ZNF469: variants seen among roughly 807,000 people sequenced by gnomAD.
ZNF469 encodes the protein zinc finger protein 469.
Under a neutral mutation model 1.0 loss-of-function variants are expected in ZNF469, and 1 was observed. The ratio of observed to expected loss-of-function variants is 1.00; its 90% CI spans 0.35 to 4.73. The LOEUF is 4.73. Among genes scored for constraint, ZNF469 ranks in the 30% most tolerant of loss-of-function variants. The pLI is 0.16. For synonymous variants in ZNF469, 2,703 were observed against 2,363.4 expected, an observed-to-expected ratio of 1.14 and a Z score of -4.17; for missense variants, 6,100 against 5,356.3, an observed-to-expected ratio of 1.14 and a Z score of -4.33.
chr16:88,318,218 C>T, the ZNF469 span, among the ~76,000 whole-genome samples: 3 of 152,220 alleles, frequency 2.0e-5, no homozygotes, highest in Admixed American at 6.5e-5. Flanking sequence ...TTCTCCAGGG[C>T]GCGTTCCATG....
At chr16:88,180,180 AG>A in the ZNF469 span, among the ~76,000 whole-genome samples, 2 of 152,248 alleles carry the variant, frequency 1.3e-5, no homozygotes, top group African/African-American at 4.8e-5. Context: ...TTATTTAAAA[AG>A]AACAGACGAG....
chr16:88,354,672 C>A, the ZNF469 span, among the ~76,000 whole-genome samples: 4 of 152,310 alleles, frequency 2.6e-5, no homozygotes, highest in African/African-American at 9.6e-5. Flanking sequence ...TTAGGGTGCG[C>A]TCATGTGTCT....
chr16:88,330,951 A>G, the ZNF469 span, among the ~76,000 whole-genome samples: 1 of 152,340 alleles, frequency 6.6e-6, no homozygotes, highest in East Asian at 1.9e-4. Flanking sequence ...GAGCAGCTGC[A>G]TCATCATTGT....
At chr16:88,337,189 A>C in the ZNF469 span, among the ~76,000 whole-genome samples, 1 of 152,214 alleles carries the variant, frequency 6.6e-6, no homozygotes, top group South Asian at 2.1e-4. Flanking sequence ...TCTCATCTTA[A>C]ATGGTGGCTC....
At chr16:88,105,477 G>T in the ZNF469 span, among the ~76,000 whole-genome samples, 1 of 151,920 alleles carries the variant, frequency 6.6e-6, no homozygotes, top group South Asian at 2.1e-4. Flanking sequence ...GCTAATTTTC[G>T]TATTTTTAGT....
At chr16:88,158,598 C>T in the ZNF469 span, among the ~76,000 whole-genome samples, 8 of 152,334 alleles carry the variant, frequency 5.3e-5, no homozygotes, top group East Asian at 1.5e-3. Flanking sequence ...GGCTGGACAA[C>T]CTGGCTGAAG....
the ZNF469 span, among the ~76,000 whole-genome samples, chr16:88,233,869 C>G: frequency 7.9e-5 from 12 of 152,278 alleles, no homozygotes; most frequent in African/African-American, 2.9e-4. Context: ...ACGTTCAGCC[C>G]TAATACCCTG....
the ZNF469 span, among the ~76,000 whole-genome samples, chr16:88,276,869 C>G: frequency 3.9e-5 from 6 of 152,150 alleles, no homozygotes; most frequent in East Asian, 1.9e-4. Flanking sequence ...CTGTGCCACG[C>G]TGACGCTCGG....
the ZNF469 span, among the ~76,000 whole-genome samples, chr16:88,270,980 G>A: frequency 2.0e-5 from 3 of 152,196 alleles, no homozygotes; most frequent in Admixed American, 6.5e-5. Context: ...ATTCACGGCC[G>A]GTCCACATCC....
chr16:88,332,424 C>A, the ZNF469 span, among the ~76,000 whole-genome samples: 381 of 152,360 alleles, frequency 2.5e-3, 1 homozygote, highest in African/African-American at 8.1e-3. Flanking sequence ...TCTGTGCCGG[C>A]TCTCCTGGCA....
At chr16:88,104,027 C>T in the ZNF469 span, among the ~76,000 whole-genome samples, 4 of 152,128 alleles carry the variant, frequency 2.6e-5, no homozygotes, top group South Asian at 2.1e-4. Flanking sequence ...GGGTTGCCTG[C>T]GTCTGCTGTG....
the ZNF469 span, among the ~76,000 whole-genome samples, chr16:88,273,235 C>T: frequency 8.2e-6 from 1 of 121,516 alleles, no homozygotes; most frequent in African/African-American, 3.2e-5. Context: ...TGCTGCAATC[C>T]TGTGTGGTGT....
chr16:88,436,709 G>A lies in ZNF469; in HGVS notation c.9239G>A (p.Gly3080Asp). Residue 3080 changes from glycine (G) to aspartate (D), a missense_variant, in exon 3 of 3, where the codon GGC (glycine) becomes GAC (aspartate). Physicochemically the swap from Gly to Asp is moderately conservative, Grantham distance 94. Coordinates refer to ENST00000565624, the MANE Select transcript of ZNF469 (RefSeq NM_001367624.2). ...LPGPSFLDFE[G>D]TASSQGPQSR... ...GGCCCCAGCTTCTTAGACTTCGAGG[G>A]CACGGCGAGCTCACAGGGGCCACAG... is the stretch of plus-strand genomic sequence containing the variant. 2 of 1,549,428 alleles carry A rather than the reference G, an allele frequency of 1.3e-6. No homozygotes were observed. Among genetic ancestry groups the A allele is most frequent in the South Asian group, 1.2e-5 (1 of 84,038 alleles).
At chr16:88,102,812 C>T in the ZNF469 span, among the ~76,000 whole-genome samples, 25 of 152,346 alleles carry the variant, frequency 1.6e-4, no homozygotes, top group Non-Finnish European at 2.1e-4. Context: ...GGCCCCTGAT[C>T]GCCGCCTCCC....
chr16:88,338,194 T>A, the ZNF469 span, among the ~76,000 whole-genome samples: 1 of 151,596 alleles, frequency 6.6e-6, no homozygotes, highest in Non-Finnish European at 1.5e-5. Flanking sequence ...CTCCGGCGCC[T>A]CCAATCGCCT....
chr16:88,214,475 T>A, the ZNF469 span, among the ~76,000 whole-genome samples: 21 of 151,970 alleles, frequency 1.4e-4, 1 homozygote, highest in Non-Finnish European at 1.8e-4. Context: ...CTTTTGAGTT[T>A]TTTTTTTAGA....
intron 1 of ZNF469, among the ~76,000 whole-genome samples, chr16:88,417,088 C>A (rs1366887657): frequency 6.6e-6 from 1 of 152,216 alleles, no homozygotes; most frequent in East Asian, 1.9e-4. Context: ...TTTTCCAGAG[C>A]TGCTGCTTGG....
chr16:88,325,143 CCCGACAGCAG>C, the ZNF469 span, among the ~76,000 whole-genome samples: 2 of 144,828 alleles, frequency 1.4e-5, no homozygotes, highest in East Asian at 4.3e-4. Context: ...TCCAGGTGGT[CCCGACAGCAG>C]CTGCGACATA....
At position 88,430,605 on chromosome 16, in the gene ZNF469, C is replaced by T. The variant is rs1182111201; in HGVS notation, c.3135C>T (p.Ala1045=). ...DPRKRKARGG[A]WGKELILKIV... ...GGAAGAGGAAGGCTCGGGGCGGCGC[C>T]TGGGGCAAGGAGCTCATTCTGAAGA... Residue 1045 remains alanine, a synonymous_variant, in exon 3 of 3, where the codon GCC becomes GCT. Coordinates refer to ENST00000565624, the MANE Select transcript of ZNF469 (RefSeq NM_001367624.2). 4 of 1,500,698 alleles carry T rather than the reference C, an allele frequency of 2.7e-6. No individual in the cohort carries two copies. The South Asian group carries it at 3.7e-5, about 14-fold the overall frequency. 93.0% of individuals were successfully genotyped at this position (1,500,698 alleles called of 1,614,324 possible).
Sources: allele counts gnomAD v4.1 joint callset (sites outside exome capture counted in the v4.1 genomes callset), GRCh38; gene constraint gnomAD v4.1.1; transcripts MANE v1.5; gene names NCBI Gene and HGNC (gene_info 2026-07-23, HGNC 2026-07-21).